The following YBX3 variants were observed in gnomAD, a reference collection of about 807,000 sequenced individuals.
YBX3 encodes the protein Y-box-binding protein 3.
Under a neutral mutation model 42.4 loss-of-function variants are expected in YBX3, and 29 were observed. The observed-to-expected ratio is 0.68, with a 90% confidence interval of 0.51 to 0.93. The LOEUF is 0.93. Among genes scored for constraint, YBX3 ranks in the 40% least tolerant of loss-of-function variants. The pLI is 0.00. For synonymous variants in YBX3, 195 were observed against 189.8 expected (o/e 1.03, Z -0.22); for missense variants, 517 against 527.5 (o/e 0.98, Z 0.19).
intron 1 of YBX3, 118 bp downstream of exon 1, chr12:10,722,714 GGAGATCCCTGGGGACCCT>G: frequency 1.2e-6 from 1 of 819,582 alleles, no homozygotes; most frequent in East Asian, 3.6e-5. Flanking sequence ...CTGGGGACCC[GGAGATCCCTGGGGACCCT>G]GTGCTGTCAG....
At position 10,718,094 on chromosome 12, in the gene YBX3, T is replaced by C. The variant is rs2120979480; in HGVS notation, c.354A>G (p.Val118=). 2.5e-6 allele frequency: 4 copies of C among 1,612,130 alleles called. No homozygotes were observed. The South Asian group carries it at 3.3e-5, about 13-fold the overall frequency. Residue 118 remains valine, a synonymous_variant, in exon 3 of 10, where the codon GTA becomes GTG. Coordinates refer to ENST00000228251, the MANE Select transcript of YBX3 (RefSeq NM_003651.5). The part of the protein sequence containing the change: ...NRNDTKEDVF[V]HQTAIKKNNP... ...TATTTATAATCCCTCTTACCTGATG[T>C]ACAAATACATCTTCTTTGGTGTCAT...
chr12:10,708,462 T>C (rs1948162028), intron 6 of YBX3, among the ~76,000 whole-genome samples: 1 of 152,216 alleles, frequency 6.6e-6, no homozygotes, highest in Admixed American at 6.5e-5. Context: ...CTGACAACCT[T>C]GAAGTAGCTT....
chr12:10,722,773 G>C (rs1948344337), intron 1 of YBX3, 77 bp downstream of exon 1: 2 of 1,237,110 alleles, frequency 1.6e-6, no homozygotes, highest in African/African-American at 1.6e-5. Flanking sequence ...GATGTAGCGC[G>C]AGCTGCCCAC....
intron 4 of YBX3, 51 bp from the exon 5 acceptor site, chr12:10,713,384 A>C (rs765273139): frequency 2.5e-6 from 4 of 1,590,512 alleles, no homozygotes; most frequent in Non-Finnish European, 3.4e-6. Flanking sequence ...ATATACACTA[A>C]CTCAAAAAAC....
chr12:10,702,535 A>G (rs1019469390), intron 7 of YBX3: 7 of 153,426 alleles, frequency 4.6e-5, no homozygotes, highest in African/African-American at 1.7e-4. Context: ...AAAAAAAAAA[A>G]GTCAAGTGAT....
chr12:10,717,194 G>A lies in YBX3; in HGVS notation c.360+894C>T, dbSNP rs550648978. On this transcript the variant is annotated intron_variant, in intron 3 of 9. Transcript: ENST00000228251. ...AGATACCACTATCTCCAACTCCTAC[G>A]GTCACTCCAATACACACACAAACCT... Among the ~76,000 whole-genome samples the A allele has an allele frequency of 2.1e-4, 32 of 152,032 alleles. 1 individual carries two copies. In the South Asian group the frequency reaches 4.8e-3, roughly 23 times the overall value.
At chr12:10,720,503 A>G (rs1302732502) in intron 1 of YBX3, among the ~76,000 whole-genome samples, 2 of 149,860 alleles carry the variant, frequency 1.3e-5, no homozygotes, top group African/African-American at 4.8e-5. Flanking sequence ...GTTTGAGGCC[A>G]CTCTGATTGG....
intron 5 of YBX3, chr12:10,711,585 T>C (rs1054787490): frequency 6.6e-5 from 10 of 152,224 alleles, no homozygotes; most frequent in Non-Finnish European, 1.3e-4. Flanking sequence ...CTTCCTCTTT[T>C]GCATTTCACA....
intron 5 of YBX3, chr12:10,711,984 TC>T (rs1168029458): frequency 6.6e-6 from 1 of 152,070 alleles, no homozygotes; most frequent in Non-Finnish European, 1.5e-5. Context: ...TTCCTAGCTA[TC>T]CCCCTCATAG....
intron 1 of YBX3, 73 bp from the exon 2 acceptor site, chr12:10,719,216 A>G: frequency 2.3e-6 from 3 of 1,296,440 alleles, no homozygotes; most frequent in Non-Finnish European, 3.3e-6. Flanking sequence ...TAAGATCTTG[A>G]TAACATTAGA....
chr12:10,718,205 C>A, intron 2 of YBX3, 84 bp from the exon 3 acceptor site: 1 of 1,214,468 alleles, frequency 8.2e-7, no homozygotes, highest in Non-Finnish European at 1.2e-6. Context: ...GAATTTAACT[C>A]CCAAGTCCTC....
chr12:10,714,351 T>G (rs1948235246), intron 4 of YBX3, among the ~76,000 whole-genome samples: 2 of 152,232 alleles, frequency 1.3e-5, no homozygotes, highest in African/African-American at 4.8e-5. Context: ...CATGATTAGC[T>G]GCCATGGCAG....
At chr12:10,719,868 T>C (rs1375097399) in intron 1 of YBX3, among the ~76,000 whole-genome samples, 4 of 152,222 alleles carry the variant, frequency 2.6e-5, no homozygotes, top group Non-Finnish European at 5.9e-5. Context: ...CTCTACCTCA[T>C]GAGCAGGACC....
At chr12:10,708,235 A>C (rs1384719740) in intron 6 of YBX3, among the ~76,000 whole-genome samples, 1 of 152,280 alleles carries the variant, frequency 6.6e-6, no homozygotes, top group Admixed American at 6.5e-5. Flanking sequence ...TTCTTTAAAA[A>C]TGGAAGTTAT....
At chr12:10,722,478 C>G (rs981392192) in intron 1 of YBX3, 17 of 162,908 alleles carry the variant, frequency 1.0e-4, no homozygotes, top group Non-Finnish European at 2.3e-4. Flanking sequence ...CCATCCCTAC[C>G]CAAGGTCCCC....
chr12:10,717,079 T>C (rs1373488911), intron 3 of YBX3, among the ~76,000 whole-genome samples: 2 of 152,216 alleles, frequency 1.3e-5, no homozygotes, highest in African/African-American at 2.4e-5. Context: ...AAAGTCACTG[T>C]ATCTGAACAA....
At chr12:10,709,828 TGGA>T (rs766730575) in intron 6 of YBX3, 77 bp downstream of exon 6, 335 of 1,528,592 alleles carry the variant, frequency 2.2e-4, no homozygotes, top group Non-Finnish European at 2.7e-4. Flanking sequence ...CAGCTGATGT[TGGA>T]GGAGGAGGAG....
chr12:10,710,390 C>A, intron 5 of YBX3: 1 of 1,348,492 alleles, frequency 7.4e-7, no homozygotes, highest in Non-Finnish European at 9.5e-7. Context: ...CATTAGAACT[C>A]GTATCAGCTA....
chr12:10,718,605 T>C (rs1948290189), intron 2 of YBX3, among the ~76,000 whole-genome samples: 1 of 151,990 alleles, frequency 6.6e-6, no homozygotes, highest in Non-Finnish European at 1.5e-5. Flanking sequence ...TGTGAAAACC[T>C]CATAATACTC....
Sources: allele counts gnomAD v4.1 joint callset (sites outside exome capture counted in the v4.1 genomes callset), GRCh38; gene constraint gnomAD v4.1.1; transcripts MANE v1.5; gene names NCBI Gene and HGNC (gene_info 2026-07-23, HGNC 2026-07-21).